The following PICALM variants were observed in gnomAD, a reference collection of about 807,000 sequenced individuals.
PICALM encodes the protein phosphatidylinositol-binding clathrin assembly protein.
Under a neutral mutation model 80.5 loss-of-function variants are expected in PICALM, and 40 were observed. The observed-to-expected ratio is 0.50, with a 90% CI of 0.39 to 0.65. The LOEUF is 0.65. Ranked by LOEUF, PICALM falls within the 30% of genes least tolerant of loss-of-function variation. The pLI is 0.00. For missense variants in PICALM, 676 were observed against 778.9 expected (o/e 0.87, Z 1.57); for synonymous variants, 288 against 260.3 (o/e 1.11, Z -1.02).
intron 12 of PICALM, among the ~76,000 whole-genome samples, chr11:85,995,370 T>C (rs1008300343): frequency 6.6e-6 from 1 of 152,210 alleles, no homozygotes; most frequent in African/African-American, 2.4e-5. Flanking sequence ...GAGACTTTGA[T>C]GGAATAATGT....
chr11:86,026,234 G>T, intron 3 of PICALM, 58 bp downstream of exon 3: 1 of 899,150 alleles, frequency 1.1e-6, no homozygotes. Context: ...CTACTCTGGA[G>T]TAATCATCAT....
intron 1 of PICALM, among the ~76,000 whole-genome samples, chr11:86,049,506 A>T (rs1190265003): frequency 1.3e-5 from 2 of 152,142 alleles, no homozygotes; most frequent in Non-Finnish European, 2.9e-5. Flanking sequence ...CCTGAAATAA[A>T]GCCAGTAACT....
At chr11:86,018,421 A>G (rs2095513422) in intron 4 of PICALM, among the ~76,000 whole-genome samples, 1 of 152,240 alleles carries the variant, frequency 6.6e-6, no homozygotes, top group African/African-American at 2.4e-5. Context: ...TTGTATTAAA[A>G]TGTTAAATGT....
chr11:85,998,605 CA>C (rs1039038341), intron 11 of PICALM, among the ~76,000 whole-genome samples: 165 of 151,914 alleles, frequency 1.1e-3, no homozygotes, highest in African/African-American at 3.8e-3. Flanking sequence ...TCAGCTTGGG[CA>C]AAATGGCGAA....
chr11:86,068,919 C>T lies in PICALM; in HGVS notation c.-139G>A, dbSNP rs1416255247. On this transcript the variant is annotated 5_prime_UTR_variant, in exon 1 of 20. Coordinates refer to ENST00000393346, the MANE Select transcript of PICALM (RefSeq NM_007166.4). ...CCGCCTGCCGGCCTGGGGCGCGGTT[C>T]GGGGCCGCGCGCTGCCACCAGTCCA... The T allele has an allele frequency of 3.4e-6, 4 of 1,189,184 alleles. No homozygotes were observed. In the East Asian group the frequency reaches 7.9e-5, roughly 23 times the overall value. 73.7% of individuals were successfully genotyped at this position (1,189,184 alleles called of 1,614,324 possible).
At chr11:86,024,313 C>T (rs2095614812) in intron 3 of PICALM, among the ~76,000 whole-genome samples, 1 of 151,162 alleles carries the variant, frequency 6.6e-6, no homozygotes, top group Non-Finnish European at 1.5e-5. Flanking sequence ...TCTAGAATGT[C>T]TGGAAGATAG....
At chr11:86,060,154 C>A (rs2096336696) in intron 1 of PICALM, among the ~76,000 whole-genome samples, 2 of 152,186 alleles carry the variant, frequency 1.3e-5, no homozygotes, top group South Asian at 4.1e-4. Context: ...TCCCTTAGAT[C>A]TAGTTCCTCT....
intron 19 of PICALM, among the ~76,000 whole-genome samples, chr11:85,963,861 A>T (rs1022306962): frequency 2.1e-5 from 3 of 142,440 alleles, no homozygotes; most frequent in African/African-American, 7.8e-5. Flanking sequence ...GGCTCAAGTG[A>T]TCCTCCCATC....
intron 1 of PICALM, among the ~76,000 whole-genome samples, chr11:86,062,230 A>C (rs949960380): frequency 6.6e-6 from 1 of 152,060 alleles, no homozygotes; most frequent in Non-Finnish European, 1.5e-5. Context: ...GCAAGAGTAA[A>C]CCTTGGCCGG....
At position 85,980,989 on chromosome 11, in the gene PICALM, T is replaced by C. The variant is rs2135698832; in HGVS notation, c.1779+140A>G. On this transcript the variant is annotated intron_variant, in intron 17 of 19. Coordinates refer to ENST00000393346, the MANE Select transcript of PICALM (RefSeq NM_007166.4). Reference sequence around the variant, plus strand: ...GGTAAATATAGGCAACCAGCTTCCTTTGAAAGAAATACAATTACTTATACT... The same window carrying C: ...GGTAAATATAGGCAACCAGCTTCCTCTGAAAGAAATACAATTACTTATACT... The C allele has an allele frequency of 1.1e-5, 6 of 555,936 alleles. No individual in the cohort carries two copies. In the South Asian group the frequency reaches 1.5e-4, roughly 14 times the overall value. The allele number at this position is 555,936 out of a possible 1,614,324, so 34.4% of individuals were successfully genotyped here.
At chr11:86,000,918 T>G (rs2095125069) in intron 10 of PICALM, 117 bp downstream of exon 10, 3 of 1,476,304 alleles carry the variant, frequency 2.0e-6, no homozygotes, top group East Asian at 4.5e-5. Context: ...AAAGTTAGAC[T>G]GAGTTTCAGC....
intron 1 of PICALM, among the ~76,000 whole-genome samples, chr11:86,035,792 AC>A (rs2095831443): frequency 6.7e-6 from 1 of 149,326 alleles, no homozygotes; most frequent in South Asian, 2.1e-4. Context: ...AAAAAAAAAC[AC>A]AAAAATTAGC....
intron 1 of PICALM, among the ~76,000 whole-genome samples, chr11:86,043,305 A>G (rs1160189669): frequency 6.6e-6 from 1 of 152,118 alleles, no homozygotes; most frequent in African/African-American, 2.4e-5. Flanking sequence ...CCCTCTACCC[A>G]TGACCATTTT....
At chr11:85,975,023 TA>T (rs1280604617) in intron 18 of PICALM, among the ~76,000 whole-genome samples, 3 of 152,236 alleles carry the variant, frequency 2.0e-5, no homozygotes, top group African/African-American at 4.8e-5. Flanking sequence ...TGCTCATTTT[TA>T]AAATGTAGTA....
rs538433223 is a variant in PICALM, at chr11:86,021,110, G to A, written c.452+1257C>T. 1.4e-4 allele frequency among the ~76,000 whole-genome samples: 22 copies of A among 152,278 alleles called. 1 individual carries two copies. In the South Asian group the frequency reaches 4.6e-3, roughly 32 times the overall value. ...AGCCTATAATCTCAACACTGTGGGAGGCCAAAATGGGAAGACTGCTTGAGC... is the reference window on the plus strand; with the variant it reads ...AGCCTATAATCTCAACACTGTGGGAAGCCAAAATGGGAAGACTGCTTGAGC... On this transcript the variant is annotated intron_variant, in intron 4 of 19. Transcript: ENST00000393346.
chr11:86,063,700 T>C (rs2096402855), intron 1 of PICALM, among the ~76,000 whole-genome samples: 1 of 152,194 alleles, frequency 6.6e-6, no homozygotes, highest in African/African-American at 2.4e-5. Context: ...CAAATCTTAC[T>C]CATTACTACC....
chr11:85,977,950 T>A lies in PICALM; in HGVS notation c.1780-1268A>T. 3 of 773,714 alleles carry A rather than the reference T, an allele frequency of 3.9e-6. No individual in the cohort carries two copies. In the South Asian group the frequency reaches 4.5e-5, roughly 12 times the overall value. The allele number at this position is 773,714 out of a possible 1,614,324, so 47.9% of individuals were successfully genotyped here. On this transcript the variant is annotated intron_variant, in intron 17 of 19. Transcript: ENST00000393346. Reference sequence around the variant, plus strand: ...ATCAGTAGATGCTAGGAAGAATTTCTGGCACATTGAAAATCTGAATGTGAA... The same window carrying A: ...ATCAGTAGATGCTAGGAAGAATTTCAGGCACATTGAAAATCTGAATGTGAA...
intron 19 of PICALM, among the ~76,000 whole-genome samples, chr11:85,968,001 A>C (rs767678038): frequency 6.6e-6 from 1 of 152,192 alleles, no homozygotes; most frequent in African/African-American, 2.4e-5. Context: ...CAAAACTGGC[A>C]GTCCTCCTTT....
In PICALM at chr11:85,996,859, A is replaced by T. The variant is rs770822981; in HGVS notation, c.1225T>A (p.Ser409Thr). The T allele has an allele frequency of 1.2e-6, 2 of 1,611,988 alleles. No homozygotes were observed. Among genetic ancestry groups the T allele is most frequent in the Admixed American group, 3.3e-5 (2 of 59,918 alleles). Residue 409 changes from serine (S) to threonine (T), a missense_variant, in exon 12 of 20, where the codon TCA (serine) becomes ACA (threonine). Coordinates refer to ENST00000393346, the MANE Select transcript of PICALM (RefSeq NM_007166.4). ...PTFHPSVHPM[S>T]TASQVASTWG... ...GTACTTGCTACCTGAGAAGCAGTTG[A>T]CATAGGATGTACAGATGGGTGAAAA...
Sources: allele counts gnomAD v4.1 joint callset (sites outside exome capture counted in the v4.1 genomes callset), GRCh38; gene constraint gnomAD v4.1.1; transcripts MANE v1.5; gene names NCBI Gene and HGNC (gene_info 2026-07-23, HGNC 2026-07-21).